Variants in HERC2 observed in about 807,000 individuals in gnomAD.
The protein encoded by HERC2 is E3 ubiquitin-protein ligase HERC2.
HERC2 carries 102 observed loss-of-function variants against 537.7 expected under a neutral mutation model. The ratio of observed to expected loss-of-function variants is 0.19; its 90% CI spans 0.16 to 0.22. The LOEUF (loss-of-function observed/expected upper bound fraction) is 0.22, where lower values mean the gene tolerates loss of function less well. HERC2 is among the 10% of genes least tolerant of loss of function. HERC2 has a pLI of 1.00. For missense variants in HERC2, 4,236 were observed against 6,198.2 expected (o/e 0.68, Z 10.63); for synonymous variants, 2,224 against 2,466.2 (o/e 0.90, Z 2.91).
chr15:28,252,576 CT>C (rs2075119160), intron 20 of HERC2, among the ~76,000 whole-genome samples: 2 of 152,168 alleles, frequency 1.3e-5, no homozygotes, highest in Non-Finnish European at 2.9e-5. Flanking sequence ...GGCTTTTATT[CT>C]TATTCCTATA....
intron 19 of HERC2, 130 bp from the exon 20 acceptor site, chr15:28,254,648 C>G: frequency 1.7e-6 from 1 of 577,952 alleles, no homozygotes; most frequent in South Asian, 2.4e-5. Flanking sequence ...CACCTACCCA[C>G]AGGCCCCCAT....
At chr15:28,297,995 C>T (rs1469956135) in intron 3 of HERC2, among the ~76,000 whole-genome samples, 1 of 137,034 alleles carries the variant, frequency 7.3e-6, no homozygotes, top group Non-Finnish European at 1.5e-5. Flanking sequence ...CTGTACACGT[C>T]TGTCAGTTAT....
chr15:28,216,441 C>A (rs1464297539), intron 38 of HERC2, among the ~76,000 whole-genome samples: 2 of 150,792 alleles, frequency 1.3e-5, no homozygotes, highest in Non-Finnish European at 3.0e-5. Context: ...ACCTCTGCTC[C>A]GCCTGGCTCC....
In HERC2 at chr15:28,196,222, A is replaced by G. The variant is rs1449392456; in HGVS notation, c.8253T>C (p.Asn2751=). Residue 2751 remains asparagine (N), a synonymous_variant, in exon 52 of 93, where the codon AAT becomes AAC. Transcript: ENST00000261609. ...HNTRHTFGRI[N]EPGQSAVFCG... Reference sequence around the variant, plus strand: ...ATAAACATTCTGCCATACCTGGTTCATTTATTCTGCCAAATGTATGCCTGG... The same window carrying G: ...ATAAACATTCTGCCATACCTGGTTCGTTTATTCTGCCAAATGTATGCCTGG... The G allele has an allele frequency of 7.7e-7, 1 of 1,306,268 alleles. No homozygotes were observed. Among genetic ancestry groups the G allele is most frequent in the East Asian group, 2.3e-5 (1 of 43,100 alleles). The allele number at this position is 1,306,268 out of a possible 1,614,324, so 80.9% of individuals were successfully genotyped here.
chr15:28,255,723 A>C, intron 19 of HERC2, 149 bp downstream of exon 19: 1 of 839,034 alleles, frequency 1.2e-6, no homozygotes, highest in Non-Finnish European at 1.8e-6. Flanking sequence ...AATTTTGTAA[A>C]TTGGCACATA....
At chr15:28,240,212 A>T (rs1902930395) in intron 23 of HERC2, among the ~76,000 whole-genome samples, 2 of 152,182 alleles carry the variant, frequency 1.3e-5, no homozygotes, top group African/African-American at 4.8e-5. Flanking sequence ...AGGTCAGGAG[A>T]TGGAGACCAT....
intron 92 of HERC2, 130 bp from the exon 93 acceptor site, chr15:28,112,165 C>T (rs897995865): frequency 2.3e-6 from 2 of 866,622 alleles, no homozygotes; most frequent in Non-Finnish European, 3.6e-6. Context: ...AAACATAATC[C>T]AAACAACTTT....
At position 28,275,020 on chromosome 15, in the gene HERC2, C is replaced by A; in HGVS notation, c.543-15G>T. The A allele has an allele frequency of 1.3e-6, 2 of 1,560,360 alleles. No homozygotes were observed. Among genetic ancestry groups the A allele is most frequent in the Non-Finnish European group, 1.8e-6 (2 of 1,140,956 alleles). ...CAGGCCGGGAACTGCAGACGACACA[C>A]ACGGAACATACAACCAGTCAGCAGC... is the stretch of plus-strand genomic sequence containing the variant. On this transcript the variant is annotated splice_polypyrimidine_tract_variant and intron_variant, in intron 5 of 92. Coordinates refer to ENST00000261609, the MANE Select transcript of HERC2 (RefSeq NM_004667.6).
rs746092610 is a variant in HERC2, at chr15:28,218,503, G to A, written c.6014C>T (p.Thr2005Met). The A allele has an allele frequency of 6.3e-6, 10 of 1,595,200 alleles. No homozygotes were observed. The highest frequency in any genetic ancestry group is 2.1e-4 in the Middle Eastern group (1 of 4,806). ...GLLRMLVESG[T>M]TDKTSSPNRL... ...TCATTCCATACATGTCTTGTCCGTC[G>A]TTCCGCTTTCCACTAACATTCGCAG... The change falls in exon 38 of 93, where the codon ACG (threonine) becomes ATG (methionine). Residue 2005 changes from threonine to methionine, a missense_variant. This residue lies in a region of HERC2 where 365 missense variants were observed against 468.8 expected (regional missense o/e 0.78). Coordinates refer to ENST00000261609, the MANE Select transcript of HERC2 (RefSeq NM_004667.6).
intron 23 of HERC2, among the ~76,000 whole-genome samples, chr15:28,241,907 G>T (rs956538426): frequency 3.3e-5 from 5 of 152,294 alleles, no homozygotes; most frequent in Admixed American, 2.0e-4. Flanking sequence ...ATAGCCAAAA[G>T]ATGGAAACAA....
Position 28,233,754 on chromosome 15 carries a change from A to C in HERC2, c.4261T>G (p.Leu1421Val), listed in dbSNP as rs753596004. Residue 1421 changes from leucine (L) to valine (V), a missense_variant, in exon 28 of 93, where the codon TTG (leucine) becomes GTG (valine). Physicochemically the swap from Leu to Val is conservative, Grantham distance 32 (BLOSUM62 1). Transcript: ENST00000261609. The part of the protein sequence containing the change: ...QIERYCRQCH[L>V]TTPIMFPPEH... Reference sequence around the variant, plus strand: ...GGGGGAAACATGATCGGTGTGGTCAAATGGCACTGCCTACAGTACCTTTCT... The same window carrying C: ...GGGGGAAACATGATCGGTGTGGTCACATGGCACTGCCTACAGTACCTTTCT... 8 of 1,612,900 alleles carry C rather than the reference A, an allele frequency of 5.0e-6. No individual in the cohort carries two copies. In the African/African-American group the frequency reaches 9.3e-5, roughly 19 times the overall value.
chr15:28,230,669 G>C (rs1457113232), intron 30 of HERC2, among the ~76,000 whole-genome samples, 169 bp from the exon 31 acceptor site: 1 of 152,118 alleles, frequency 6.6e-6, no homozygotes, highest in African/African-American at 2.4e-5. Flanking sequence ...CACCCTGGCA[G>C]AACAAAAAGA....
intron 71 of HERC2, among the ~76,000 whole-genome samples, chr15:28,145,912 T>A (rs1459586371): frequency 6.6e-6 from 1 of 152,068 alleles, no homozygotes; most frequent in East Asian, 1.9e-4. Context: ...GAAACAAACC[T>A]TTTGAAGAAG....
intron 2 of HERC2, among the ~76,000 whole-genome samples, chr15:28,320,953 ATGAG>A (rs1166106782): frequency 2.0e-4 from 31 of 152,002 alleles, no homozygotes; most frequent in Non-Finnish European, 3.1e-4. Flanking sequence ...ACCTCATAAA[ATGAG>A]TGAGTTTCTA....
intron 69 of HERC2, among the ~76,000 whole-genome samples, chr15:28,156,766 T>C (rs2142381612): frequency 6.6e-6 from 1 of 152,346 alleles, no homozygotes; most frequent in South Asian, 2.1e-4. Context: ...CTGATTGCCC[T>C]GGCCAGAACT....
At chr15:28,186,167 T>A (rs562009531) in intron 56 of HERC2, among the ~76,000 whole-genome samples, 1 of 152,236 alleles carries the variant, frequency 6.6e-6, no homozygotes, top group Non-Finnish European at 1.5e-5. Flanking sequence ...TATATATATT[T>A]CACCATAATA....
chr15:28,111,922 C>A lies in HERC2; in HGVS notation c.14346G>T (p.Lys4782Asn). ...TGGACTTGCAGAAGTGGATGGCGTA[C>A]TTGAGCTTCTCCTCCAGCACCTGCT... Reference protein sequence around the residue: ...SCKQVLEEKLKYAIHFCKSID... With the variant: ...SCKQVLEEKLNYAIHFCKSID... Residue 4782 changes from lysine (K) to asparagine (N), a missense_variant, in exon 93 of 93, where the codon AAG (lysine) becomes AAT (asparagine). Transcript: ENST00000261609. 6.2e-7 allele frequency: 1 copy of A among 1,614,172 alleles called. No individual in the cohort carries two copies. The highest frequency in any genetic ancestry group is 8.5e-7 in the Non-Finnish European group (1 of 1,180,048).
At chr15:28,287,805 G>A (rs1223432080) in intron 4 of HERC2, among the ~76,000 whole-genome samples, 1 of 145,116 alleles carries the variant, frequency 6.9e-6, no homozygotes, top group Non-Finnish European at 1.5e-5. Context: ...CTTACTGCAA[G>A]CTCCGCCTCC....
chr15:28,218,594 A>C lies in HERC2; in HGVS notation c.5923T>G (p.Cys1975Gly). Residue 1975 changes from cysteine (C) to glycine (G), a missense_variant, in exon 38 of 93, where the codon TGT becomes GGT. Coordinates refer to ENST00000261609, the MANE Select transcript of HERC2 (RefSeq NM_004667.6). ...TCAGCATGAACTCCAGCAGACAGAC[A>C]AAGAGTCTGCAGTAAGTTAATAGTG... ...TSTINLLQTL[C>G]LSAGVHAEIM... 6.3e-7 allele frequency: 1 copy of C among 1,594,286 alleles called. No homozygotes were observed. The highest frequency in any genetic ancestry group is 8.5e-7 in the Non-Finnish European group (1 of 1,176,174).
Sources: allele counts gnomAD v4.1 joint callset (sites outside exome capture counted in the v4.1 genomes callset), GRCh38; gene constraint gnomAD v4.1.1; regional missense constraint gnomAD v4.1.1; transcripts MANE v1.5; gene names NCBI Gene and HGNC (gene_info 2026-07-23, HGNC 2026-07-21).